Variants in PER3 observed in about 807,000 individuals in gnomAD.
PER3 encodes period circadian protein homolog 3.
In PER3, 107 loss-of-function variants were observed where a neutral mutation model predicts 127.2. The observed-to-expected ratio is 0.84, with a 90% CI of 0.72 to 0.99. The LOEUF (loss-of-function observed/expected upper bound fraction) is 0.99, where lower values mean the gene tolerates loss of function less well. Among genes scored for constraint, PER3 ranks in the 50% least tolerant of loss-of-function variants. The pLI is 0.00. For synonymous variants in PER3, 618 were observed against 585.8 expected (o/e 1.05, Z -0.79); for missense variants, 1,560 against 1,525.8 (o/e 1.02, Z -0.37).
chr1:7,823,306 G>A (rs1039728706), intron 16 of PER3, among the ~76,000 whole-genome samples: 10 of 152,160 alleles, frequency 6.6e-5, no homozygotes, highest in African/African-American at 1.9e-4. Context: ...TCATCAGGAA[G>A]ACATAACAGT....
At chr1:7,841,288 A>ATT (rs148419490) in intron 21 of PER3, among the ~76,000 whole-genome samples, 7,302 of 146,860 alleles carry the variant, frequency 0.05, 581 homozygotes, top group East Asian at 0.27. Flanking sequence ...TGCCTTAATG[A>ATT]TTTTTTTTTT....
rs766550047 is a variant in PER3 at position 7,820,542 on chromosome 1, C to T, written c.1859C>T (p.Ala620Val). 6.2e-7 allele frequency: 1 copy of T among 1,613,998 alleles called. No homozygotes were observed. Among genetic ancestry groups the T allele is most frequent in the African/African-American group, 1.3e-5 (1 of 75,032 alleles). Residue 620 changes from alanine to valine, a missense_variant, in exon 16 of 22, where the codon GCT (alanine) becomes GTT (valine). Physicochemically the swap from Ala to Val is moderately conservative, Grantham distance 64 (BLOSUM62 0). This residue lies in a region of PER3 where 1,332 missense variants were observed against 1,223.6 expected (regional missense o/e 1.09). Coordinates refer to ENST00000377532, the MANE Select transcript of PER3 (RefSeq NM_001377275.1). ...NGRSIDTGGG[A>V]PQILSTAMLS... Reference sequence around the variant, plus strand: ...CGGTCCATAGACACAGGAGGAGGAGCTCCACAGATCCTGTCCACGGCGATG... The same window carrying T: ...CGGTCCATAGACACAGGAGGAGGAGTTCCACAGATCCTGTCCACGGCGATG...
At chr1:7,799,168 A>C (rs945765119) in intron 7 of PER3, among the ~76,000 whole-genome samples, 2 of 152,220 alleles carry the variant, frequency 1.3e-5, no homozygotes, top group Non-Finnish European at 2.9e-5. Context: ...TTCAGATGTA[A>C]AATGACATAT....
intron 10 of PER3, among the ~76,000 whole-genome samples, chr1:7,805,829 C>A (rs562470662): frequency 6.6e-6 from 1 of 152,046 alleles, no homozygotes; most frequent in South Asian, 2.1e-4. Flanking sequence ...CTTTTCAGTT[C>A]TTTGATGAAA....
Position 7,842,783 on chromosome 1 carries a change from CT to C in PER3, c.*31del. On this transcript the variant is annotated 3_prime_UTR_variant, in exon 22 of 22. Transcript: ENST00000377532. ...GACTGTGAGGATGAACCTTCATACC[CT>C]TTCCAAGACGTGTTACACAGACAGA... 3 of 1,601,224 alleles carry C rather than the reference CT, an allele frequency of 1.9e-6. No homozygotes were observed. The highest frequency in any genetic ancestry group is 2.6e-6 in the Non-Finnish European group (3 of 1,170,392).
chr1:7,792,755 C>T (rs1485844416), intron 5 of PER3, among the ~76,000 whole-genome samples: 1 of 152,200 alleles, frequency 6.6e-6, no homozygotes, highest in Non-Finnish European at 1.5e-5. Context: ...GTACAAACCT[C>T]TTAGAAGGAT....
intron 19 of PER3, among the ~76,000 whole-genome samples, chr1:7,833,014 T>G (rs549647045): frequency 5.0e-4 from 76 of 152,176 alleles, no homozygotes; most frequent in Middle Eastern, 3.2e-3. Context: ...GTCTAAAATA[T>G]TTCTAATTTC....
chr1:7,801,134 A>G lies in PER3; in HGVS notation c.815A>G (p.Lys272Arg). ...GYEAPRIPVN[K>R]RIFTTTHTPG... ...TTAGCTCCTCGGATCCCAGTGAATA[A>G]AAGAATCTTCACCACCACACACACC... Residue 272 changes from lysine (K) to arginine (R), a missense_variant, in exon 8 of 22, where the codon AAA becomes AGA. Lys to Arg is a conservative substitution (Grantham distance 26). Around this residue, in one of 3 missense-constraint regions of PER3, gnomAD observed 1,332 missense variants for 1,223.6 expected, o/e 1.09. Coordinates refer to ENST00000377532, the MANE Select transcript of PER3 (RefSeq NM_001377275.1). 7 of 1,608,236 alleles carry G rather than the reference A, an allele frequency of 4.4e-6. No individual in the cohort carries two copies. The highest frequency in any genetic ancestry group is 5.9e-6 in the Non-Finnish European group (7 of 1,176,566).
intron 5 of PER3, among the ~76,000 whole-genome samples, chr1:7,792,863 A>G (rs1306612525): frequency 1.3e-5 from 2 of 152,224 alleles, no homozygotes; most frequent in Non-Finnish European, 2.9e-5. Flanking sequence ...CTGCTGTCTT[A>G]GATCACGTAG....
chr1:7,802,413 C>T (rs1354268533), intron 8 of PER3, among the ~76,000 whole-genome samples: 1 of 152,132 alleles, frequency 6.6e-6, no homozygotes, highest in Non-Finnish European at 1.5e-5. Flanking sequence ...CAGGCACACA[C>T]CACCACACCC....
rs2097398212 is a variant in PER3, at chr1:7,842,893, TA to T, written c.*140del. On this transcript the variant is annotated 3_prime_UTR_variant, in exon 22 of 22. Transcript: ENST00000377532. ...TTTCTTCTTGATTTTTTAATACACG[TA>T]ATCTTTTTGAAGCAGACATTGTATA... is the stretch of plus-strand genomic sequence containing the variant. 3 of 592,432 alleles carry T rather than the reference TA, an allele frequency of 5.1e-6. No homozygotes were observed. The highest frequency in any genetic ancestry group is 3.7e-5 in the African/African-American group (2 of 53,806). 36.7% of individuals were successfully genotyped at this position (592,432 alleles called of 1,614,324 possible).
At chr1:7,808,335 T>C (rs2097205069) in intron 10 of PER3, among the ~76,000 whole-genome samples, 1 of 152,034 alleles carries the variant, frequency 6.6e-6, no homozygotes, top group Admixed American at 6.6e-5. Flanking sequence ...TAATCCTCTC[T>C]GTTGGCATGT....
chr1:7,833,866 A>G (rs2097344912), intron 19 of PER3, among the ~76,000 whole-genome samples: 1 of 151,888 alleles, frequency 6.6e-6, no homozygotes, highest in Non-Finnish European at 1.5e-5. Flanking sequence ...ATTGGCTTCT[A>G]AGCATAACTT....
chr1:7,836,751 A>G, intron 20 of PER3: 1 of 323,146 alleles, frequency 3.1e-6, no homozygotes, highest in Admixed American at 4.4e-5. Flanking sequence ...TGCCCCTTCT[A>G]AAAAGAGCTA....
chr1:7,831,057 G>A (rs1055794704), intron 19 of PER3, among the ~76,000 whole-genome samples: 3 of 152,188 alleles, frequency 2.0e-5, no homozygotes, highest in Non-Finnish European at 4.4e-5. Flanking sequence ...TGATCAATAC[G>A]TGAATAATTA....
At chr1:7,839,853 T>TC (rs1229372891) in intron 21 of PER3, among the ~76,000 whole-genome samples, 1 of 150,724 alleles carries the variant, frequency 6.6e-6, no homozygotes. Flanking sequence ...AGTGTGGATC[T>TC]CCGAGTTCTG....
In PER3 at chr1:7,835,896, A is replaced by T; in HGVS notation, c.3349A>T (p.Ile1117Leu). Residue 1117 changes from isoleucine (I) to leucine (L), a missense_variant, in exon 20 of 22, where the codon ATA becomes TTA. Transcript: ENST00000377532. ...CGCCGAAGAGCCCATCTGGAGAATG[A>T]TACGGCAGACACCTGAGCGCATTCT... is the stretch of plus-strand genomic sequence containing the variant. ...NVAEEPIWRM[I>L]RQTPERILMT... The T allele has an allele frequency of 6.2e-7, 1 of 1,612,078 alleles. No individual in the cohort carries two copies. Among genetic ancestry groups the T allele is most frequent in the South Asian group, 1.1e-5 (1 of 91,038 alleles).
At position 7,785,062 on chromosome 1, in the gene PER3, A is replaced by G. The variant is rs1394233120; in HGVS notation, c.128+57A>G. ...TGCGTTCGTTGTCCTTCCCTGGAGC[A>G]GGGAAAGGGGGACCTAAATCTTTTT... On this transcript the variant is annotated intron_variant, in intron 2 of 21. Coordinates refer to ENST00000377532, the MANE Select transcript of PER3 (RefSeq NM_001377275.1). 3.3e-6 allele frequency: 5 copies of G among 1,538,256 alleles called. No homozygotes were observed. In the African/African-American group the frequency reaches 4.3e-5, roughly 13 times the overall value.
chr1:7,827,551 G>A lies in PER3; in HGVS notation c.2622G>A (p.Leu874=), dbSNP rs545161526. 1 of 1,614,132 alleles carries A rather than the reference G, an allele frequency of 6.2e-7. No homozygotes were observed. Among genetic ancestry groups the A allele is most frequent in the African/African-American group, 1.3e-5 (1 of 75,022 alleles). ...PVCPLLSPSF[L]PCPFLGATAS... ...GTCCTCTGTTGTCGCCATCGTTTTT[G>A]CCATGTCCATTCCTGGGGGCGACAG... Residue 874 remains leucine, a synonymous_variant, in exon 18 of 22, where the codon TTG becomes TTA. Coordinates refer to ENST00000377532, the MANE Select transcript of PER3 (RefSeq NM_001377275.1).
Sources: gnomAD v4.1 joint callset for allele counts (sites outside exome capture counted in the v4.1 genomes callset) on GRCh38, gnomAD v4.1.1 for gene constraint, gnomAD v4.1.1 regional missense constraint, MANE v1.5 for transcripts, NCBI Gene and HGNC (gene_info 2026-07-23, HGNC 2026-07-21) for gene names.